The following BRAF variants were observed in gnomAD, a reference collection of about 807,000 sequenced individuals.
BRAF encodes B-Raf proto-oncogene, serine/threonine kinase.
Under a neutral mutation model 104.6 loss-of-function variants are expected in BRAF, and 16 were observed. That is an observed-to-expected ratio of 0.15 (90% CI 0.10 to 0.23). BRAF has a LOEUF of 0.23. Among genes scored for constraint, BRAF ranks in the 10% least tolerant of loss-of-function variants. The pLI is 1.00. For missense variants in BRAF, 541 were observed against 937.3 expected (o/e 0.58, Z 5.52); for synonymous variants, 310 against 341.6 (o/e 0.91, Z 1.02).
rs1057523903 is a variant in BRAF, at chr7:140,808,933, A to G, written c.567T>C (p.Gly189=). The G allele has an allele frequency of 1.2e-6, 2 of 1,612,650 alleles. No individual in the cohort carries two copies. Among genetic ancestry groups the G allele is most frequent in the African/African-American group, 2.7e-5 (2 of 74,858 alleles). ...DSLKKALMMR[G]LIPECCAVYR... ...AAACAGCACAGCACTCTGGGATTAG[A>G]CCTCTCATCATCAGTGCTTTCTTTA... The change falls in exon 4 of 20, where the codon GGT becomes GGC. Residue 189 remains glycine (G), a synonymous_variant. Transcript: ENST00000644969.
At chr7:140,808,135 T>C (rs1030418879) in intron 4 of BRAF, 73 bp from the exon 5 acceptor site, 12 of 1,235,236 alleles carry the variant, frequency 9.7e-6, no homozygotes, top group South Asian at 2.4e-5. Flanking sequence ...GCTGAAGATA[T>C]GAAAATTGGT....
intron 6 of BRAF, 74 bp from the exon 7 acceptor site, chr7:140,800,555 C>G (rs866811604): frequency 4.4e-6 from 7 of 1,603,740 alleles, no homozygotes; most frequent in Middle Eastern, 1.7e-4. Flanking sequence ...CATAGTTAAC[C>G]AAAAAAACTG....
intron 14 of BRAF, among the ~76,000 whole-genome samples, chr7:140,760,480 T>C (rs1586045945): frequency 6.7e-6 from 1 of 148,706 alleles, no homozygotes; most frequent in African/African-American, 2.5e-5. Context: ...CTGGTTTGAG[T>C]GGGGTCCAAG....
At chr7:140,829,301 G>T (rs761991244) in intron 3 of BRAF, among the ~76,000 whole-genome samples, 65 of 149,556 alleles carry the variant, frequency 4.3e-4, no homozygotes, top group Non-Finnish European at 6.8e-4. Context: ...TCAACTCCTA[G>T]ATTTTACATG....
rs369746551 is a variant in BRAF, at chr7:140,913,469, CTTTTTTTTTTT to C, written c.138+11086_138+11096del. Among the ~76,000 whole-genome samples, 157 of 57,006 alleles carry C rather than the reference CTTTTTTTTTTT, an allele frequency of 2.8e-3. 1 individual carries two copies. The highest frequency in any genetic ancestry group is 8.8e-3 in the African/African-American group (117 of 13,368). 37.4% of individuals were successfully genotyped at this position (57,006 alleles called of 152,430 possible). A position where few individuals can be genotyped will look rare whatever the true frequency, so the allele number is the denominator to read the frequency against. On this transcript the variant is annotated intron_variant, in intron 1 of 19. Transcript: ENST00000644969. ...ATGACAAAGCAAATGTTAATCACAGCTTTTTTTTTTTTTTTTTTTTTTTTTTTTTTGTGAGA... is the reference window on the plus strand; with the variant it reads ...ATGACAAAGCAAATGTTAATCACAGCTTTTTTTTTTTTTTTTTTTGTGAGA...
At chr7:140,821,448 C>G (rs1482848721) in intron 3 of BRAF, among the ~76,000 whole-genome samples, 1 of 151,712 alleles carries the variant, frequency 6.6e-6, no homozygotes, top group Non-Finnish European at 1.5e-5. Flanking sequence ...CAGGTGTGCA[C>G]CACCATGGCT....
In BRAF at chr7:140,923,167, T is replaced by C. The variant is rs150649292; in HGVS notation, c.138+1399A>G. On this transcript the variant is annotated intron_variant, in intron 1 of 19. Coordinates refer to ENST00000644969, the MANE Select transcript of BRAF (RefSeq NM_001374258.1). Reference sequence around the variant, plus strand: ...GCTGATGCTGAATAAAGCAAGCATATTGGATGAATTTCCAAAGATGATGAT... The same window carrying C: ...GCTGATGCTGAATAAAGCAAGCATACTGGATGAATTTCCAAAGATGATGAT... Among the ~76,000 whole-genome samples, 555 of 151,052 alleles carry C rather than the reference T, an allele frequency of 3.7e-3. 4 individuals are homozygous for C. Among genetic ancestry groups the C allele is most frequent in the Admixed American group, 5.1e-3 (78 of 15,260 alleles).
At position 140,719,643 on chromosome 7, in the gene BRAF, G is replaced by T; in HGVS notation, c.*6851C>A. ...TTAAAAAAAATAATAAAAGATTCAA[G>T]CAAACATTGAGAATAGGGGAAAAGA... On this transcript the variant is annotated 3_prime_UTR_variant, in exon 20 of 20. Coordinates refer to ENST00000644969, the MANE Select transcript of BRAF (RefSeq NM_001374258.1). 2.8e-6 allele frequency: 3 copies of T among 1,062,718 alleles called. No individual in the cohort carries two copies. Among genetic ancestry groups the T allele is most frequent in the South Asian group, 9.1e-5 (2 of 21,942 alleles). The allele number at this position is 1,062,718 out of a possible 1,614,324, so 65.8% of individuals were successfully genotyped here.
At chr7:140,895,122 T>C (rs2129122002) in intron 1 of BRAF, among the ~76,000 whole-genome samples, 1 of 152,168 alleles carries the variant, frequency 6.6e-6, no homozygotes, top group South Asian at 2.1e-4. Context: ...ATTAAAAGAA[T>C]ATACAATAAA....
intron 14 of BRAF, among the ~76,000 whole-genome samples, chr7:140,768,671 T>A (rs547848781): frequency 2.0e-4 from 31 of 152,070 alleles, no homozygotes; most frequent in African/African-American, 6.3e-4. Flanking sequence ...TTAAAAAAAA[T>A]TTTTTTGTAG....
chr7:140,784,412 G>C (rs921881459), intron 10 of BRAF, among the ~76,000 whole-genome samples: 1 of 151,962 alleles, frequency 6.6e-6, no homozygotes, highest in Admixed American at 6.6e-5. Flanking sequence ...GCTTGACCAG[G>C]CTTCACGGTT....
At chr7:140,830,816 T>C (rs1321909694) in intron 3 of BRAF, among the ~76,000 whole-genome samples, 1 of 152,220 alleles carries the variant, frequency 6.6e-6, no homozygotes, top group Non-Finnish European at 1.5e-5. Flanking sequence ...AAGCTCTGCA[T>C]CCCTTCCCAC....
intron 9 of BRAF, 111 bp downstream of exon 9, chr7:140,787,437 A>G (rs2129031370): frequency 8.3e-7 from 1 of 1,211,938 alleles, no homozygotes; most frequent in Non-Finnish European, 1.2e-6. Context: ...GGGTTTCTCT[A>G]CACATTTTTC....
chr7:140,765,821 G>A (rs1190321114), intron 14 of BRAF, among the ~76,000 whole-genome samples: 3 of 151,700 alleles, frequency 2.0e-5, no homozygotes, highest in Non-Finnish European at 2.9e-5. Flanking sequence ...AGAGGATATG[G>A]AGAAATAGGA....
downstream of BRAF, among the ~76,000 whole-genome samples, chr7:140,716,627 T>A (rs962836721): frequency 6.6e-6 from 1 of 152,206 alleles, no homozygotes; most frequent in African/African-American, 2.4e-5. Flanking sequence ...GATGAGCAGC[T>A]ACAAGTACAT....
At chr7:140,739,740 C>T (rs2130897859) in intron 18 of BRAF, 72 bp downstream of exon 17, 1 of 1,575,220 alleles carries the variant, frequency 6.3e-7, no homozygotes, top group Non-Finnish European at 8.7e-7. Flanking sequence ...CACTGTGTGC[C>T]CAAAAAAGTG....
chr7:140,922,539 T>C (rs1818338100), intron 1 of BRAF, among the ~76,000 whole-genome samples: 1 of 152,346 alleles, frequency 6.6e-6, no homozygotes, highest in East Asian at 1.9e-4. Context: ...AGAATTACAA[T>C]TTCATAACCC....
At chr7:140,878,397 C>CA (rs543082406) in intron 1 of BRAF, among the ~76,000 whole-genome samples, 79 of 150,288 alleles carry the variant, frequency 5.3e-4, no homozygotes, top group African/African-American at 1.7e-3. Flanking sequence ...GTACGAGCAA[C>CA]AAAAAAAAAC....
chr7:140,782,755 T>C (rs1801004416), intron 11 of BRAF, among the ~76,000 whole-genome samples: 1 of 152,164 alleles, frequency 6.6e-6, no homozygotes, highest in Non-Finnish European at 1.5e-5. Context: ...CCTTCTAATA[T>C]TAGCTTTCTC....
Sources: gnomAD v4.1 joint callset for allele counts (sites outside exome capture counted in the v4.1 genomes callset) on GRCh38, gnomAD v4.1.1 for gene constraint, MANE v1.5 for transcripts, NCBI Gene and HGNC (gene_info 2026-07-23, HGNC 2026-07-21) for gene names.